The following FNDC1 variants were observed in gnomAD, a reference collection of about 807,000 sequenced individuals.
FNDC1 encodes the protein fibronectin type III domain containing 1, also known as fibronectin type III domain-containing protein 1.
In FNDC1, 96 loss-of-function variants were observed where a neutral mutation model predicts 168.0. That is an observed-to-expected ratio of 0.57 (90% CI 0.48 to 0.68). The LOEUF is 0.68. FNDC1 is among the 30% of genes least tolerant of loss of function. The pLI, the probability that FNDC1 is intolerant of heterozygous loss-of-function variation, is 0.00. For synonymous variants in FNDC1, 1,099 were observed against 1,025.9 expected (o/e 1.07, Z -1.36); for missense variants, 2,587 against 2,482.1 (o/e 1.04, Z -0.90).
chr6:159,261,166 A>G lies in FNDC1; in HGVS notation c.5175-24A>G, dbSNP rs114004932. The G allele has an allele frequency of 4.3e-3, 6,798 of 1,573,842 alleles. 257 individuals are homozygous for G. The African/African-American group carries it at 0.079, about 18-fold the overall frequency. ...AGAAATCAAATACATGTCTCTTTCAAAATATATCTTCTTCCAACTTCAGGT... is the reference window on the plus strand; with the variant it reads ...AGAAATCAAATACATGTCTCTTTCAGAATATATCTTCTTCCAACTTCAGGT... On this transcript the variant is annotated intron_variant, in intron 18 of 22. Coordinates refer to ENST00000297267, the MANE Select transcript of FNDC1 (RefSeq NM_032532.3).
In FNDC1 at chr6:159,267,853, C is replaced by T. The variant is rs1220838250; in HGVS notation, c.5496C>T (p.Cys1832=). 4 of 1,613,428 alleles carry T rather than the reference C, an allele frequency of 2.5e-6. No individual in the cohort carries two copies. Among genetic ancestry groups the T allele is most frequent in the African/African-American group, 1.3e-5 (1 of 74,900 alleles). ...GDSWGRGEDH[C]QFVDSHLDGR... ...GCTGGGGAAGAGGTGAAGACCATTGCCAATTTGTGGATTCACACCTTGATG... is the reference window on the plus strand; with the variant it reads ...GCTGGGGAAGAGGTGAAGACCATTGTCAATTTGTGGATTCACACCTTGATG... The change falls in exon 22 of 23, where the codon TGC becomes TGT. Residue 1832 remains cysteine, a synonymous_variant. Transcript: ENST00000297267.
In FNDC1 at chr6:159,232,176, C is replaced by T. The variant is rs759495228; in HGVS notation, c.1664C>T (p.Ser555Leu). 2 of 1,613,822 alleles carry T rather than the reference C, an allele frequency of 1.2e-6. No individual in the cohort carries two copies. Among genetic ancestry groups the T allele is most frequent in the Admixed American group, 1.7e-5 (1 of 60,008 alleles). The stretch of plus-strand genomic sequence containing the variant: ...GGTTCCCGGGAGGACTCGCCCATGT[C>T]ACCCTCAGACACCCAAGACCAGAAA... ...ELGSREDSPM[S>L]PSDTQDQKRT... The change falls in exon 11 of 23, where the codon TCA (serine) becomes TTA (leucine). Residue 555 changes from serine to leucine, a missense_variant. Physicochemically the swap from Ser to Leu is moderately radical, Grantham distance 145 (BLOSUM62 -2). Coordinates refer to ENST00000297267, the MANE Select transcript of FNDC1 (RefSeq NM_032532.3). This position sits in a 1 kb window ranked among gnomAD's most constrained non-coding sequence, Gnocchi z 4.9.
intron 14 of FNDC1, chr6:159,243,354 T>C (rs1783469860): frequency 6.6e-6 from 1 of 152,170 alleles, no homozygotes; most frequent in Non-Finnish European, 1.5e-5. Context: ...AGATAGAAAA[T>C]ACTGAGAAAT....
At chr6:159,223,924 C>T (rs1413358458) in intron 7 of FNDC1, among the ~76,000 whole-genome samples, 1 of 152,164 alleles carries the variant, frequency 6.6e-6, no homozygotes, top group Non-Finnish European at 1.5e-5. Flanking sequence ...CTGGAAATTT[C>T]CTAGATTCCA....
chr6:159,264,047 T>A (rs1414570618), intron 19 of FNDC1, among the ~76,000 whole-genome samples: 1 of 152,246 alleles, frequency 6.6e-6, no homozygotes, highest in Admixed American at 6.5e-5. Flanking sequence ...TTACTTGGGC[T>A]AAGATAGAGA....
At chr6:159,258,150 A>C (rs1350171049) in intron 18 of FNDC1, among the ~76,000 whole-genome samples, 1 of 152,196 alleles carries the variant, frequency 6.6e-6, no homozygotes, top group Non-Finnish European at 1.5e-5. Flanking sequence ...TTATTTCAAC[A>C]GGTATTAGAG....
chr6:159,269,495 T>TGC (rs1562316075), intron 22 of FNDC1, among the ~76,000 whole-genome samples: 10 of 59,270 alleles, frequency 1.7e-4, no homozygotes, highest in Admixed American at 3.8e-4. Flanking sequence ...TCTATCTATC[T>TGC]ATCTATCCAT....
Position 159,238,660 on chromosome 6 carries a change from T to C in FNDC1, c.4175T>C (p.Ile1392Thr). Reference sequence around the variant, plus strand: ...AAACTAGGAGGAGATGGTCGAACCATTGTAGGTAAGGGAGAATGGTTTTTA... The same window carrying C: ...AAACTAGGAGGAGATGGTCGAACCACTGTAGGTAAGGGAGAATGGTTTTTA... The part of the protein sequence containing the change: ...RIKLGGDGRT[I>T]VDLEGTPVVS... The change falls in exon 13 of 23, where the codon ATT becomes ACT. Residue 1392 changes from isoleucine to threonine, a missense_variant. Ile to Thr is a moderately conservative substitution (Grantham distance 89, BLOSUM62 -1). Transcript: ENST00000297267. 2 of 1,593,716 alleles carry C rather than the reference T, an allele frequency of 1.3e-6. No individual in the cohort carries two copies. Among genetic ancestry groups the C allele is most frequent in the South Asian group, 1.1e-5 (1 of 87,700 alleles).
At chr6:159,184,544 G>T (rs976695216) in intron 1 of FNDC1, among the ~76,000 whole-genome samples, 1 of 152,100 alleles carries the variant, frequency 6.6e-6, no homozygotes, top group Non-Finnish European at 1.5e-5. Context: ...GCTGGCTCTT[G>T]GTCATGTCTG....
At chr6:159,239,299 C>T (rs920223238) in intron 13 of FNDC1, among the ~76,000 whole-genome samples, 6 of 152,146 alleles carry the variant, frequency 3.9e-5, no homozygotes, top group Admixed American at 2.6e-4. Context: ...CCCCCTTAGG[C>T]ATAGGAATGA....
chr6:159,229,728 C>T (rs947420595), intron 9 of FNDC1, 87 bp from the exon 10 acceptor site: 5 of 1,200,134 alleles, frequency 4.2e-6, no homozygotes, highest in Non-Finnish European at 5.8e-6. Context: ...AATGCACGTT[C>T]TAATTCGTCC....
chr6:159,252,527 G>T (rs866698183), intron 17 of FNDC1, among the ~76,000 whole-genome samples: 5 of 152,310 alleles, frequency 3.3e-5, no homozygotes, highest in Middle Eastern at 3.4e-3. Context: ...ATTCTGCCAG[G>T]TGAGACTGAA....
At chr6:159,216,862 G>A (rs1012104820) in intron 5 of FNDC1, among the ~76,000 whole-genome samples, 1 of 152,264 alleles carries the variant, frequency 6.6e-6, no homozygotes, top group Non-Finnish European at 1.5e-5. Flanking sequence ...GGAAAAGGAT[G>A]TGATTGATTG....
At chr6:159,199,112 C>G (rs758859359) in intron 2 of FNDC1, among the ~76,000 whole-genome samples, 2 of 152,224 alleles carry the variant, frequency 1.3e-5, no homozygotes, top group African/African-American at 2.4e-5. Flanking sequence ...CTCCAGCTCT[C>G]GTCCCCTGAA....
Position 159,231,950 on chromosome 6 carries a change from C to A in FNDC1, c.1438C>A (p.Pro480Thr). 1.2e-6 allele frequency: 2 copies of A among 1,613,964 alleles called. No individual in the cohort carries two copies. The highest frequency in any genetic ancestry group is 1.7e-6 in the Non-Finnish European group (2 of 1,179,874). The change falls in exon 11 of 23, where the codon CCT becomes ACT. Residue 480 changes from proline to threonine, a missense_variant. Transcript: ENST00000297267. ...GKPEKPEPSS[P>T]SPRAPASSQH... ...ACCCGAAAAACCTGAGCCTTCCTCA[C>A]CTTCTCCCAGAGCTCCAGCTTCCTC...
intron 1 of FNDC1, among the ~76,000 whole-genome samples, chr6:159,188,669 C>A (rs551135322): frequency 6.6e-6 from 1 of 151,910 alleles, no homozygotes; most frequent in Non-Finnish European, 1.5e-5. Flanking sequence ...TGAGCCACTG[C>A]GCCCGGCCGC....
chr6:159,256,200 C>A (rs1004782252), intron 17 of FNDC1, among the ~76,000 whole-genome samples: 2 of 152,184 alleles, frequency 1.3e-5, no homozygotes, highest in African/African-American at 4.8e-5. Context: ...CTGCTTTTTT[C>A]TTCTACTTTT....
intron 1 of FNDC1, among the ~76,000 whole-genome samples, chr6:159,186,514 G>A (rs1156664213): frequency 6.6e-6 from 1 of 152,236 alleles, no homozygotes; most frequent in Non-Finnish European, 1.5e-5. Flanking sequence ...AGCTGCCCAG[G>A]TACCTTGGAA....
At position 159,226,595 on chromosome 6, in the gene FNDC1, C is replaced by T. The variant is rs1417080098; in HGVS notation, c.1180+15C>T. The T allele has an allele frequency of 1.3e-6, 2 of 1,565,576 alleles. No individual in the cohort carries two copies. Among genetic ancestry groups the T allele is most frequent in the Non-Finnish European group, 1.7e-6 (2 of 1,147,056 alleles). The stretch of plus-strand genomic sequence containing the variant: ...GAAAGTGAAAGGTAGGAATCTCACT[C>T]CCTAAACTGTAAGATGCATTGATTC... On this transcript the variant is annotated intron_variant, in intron 9 of 22. Transcript: ENST00000297267.
Sources: gnomAD v4.1 joint callset for allele counts (sites outside exome capture counted in the v4.1 genomes callset) on GRCh38, gnomAD v4.1.1 for gene constraint, Gnocchi (gnomAD v3.1) non-coding constraint, MANE v1.5 for transcripts, NCBI Gene and HGNC (gene_info 2026-07-23, HGNC 2026-07-21) for gene names.